PARD3B: variants seen among roughly 807,000 people sequenced by gnomAD.
The protein encoded by PARD3B is par-3 family cell polarity regulator beta.
PARD3B carries 103 observed loss-of-function variants against 130.2 expected under a neutral mutation model. The ratio of observed to expected loss-of-function variants is 0.79; its 90% CI spans 0.67 to 0.93. The LOEUF (loss-of-function observed/expected upper bound fraction) is 0.93, where lower values mean the gene tolerates loss of function less well. PARD3B is among the 40% of genes least tolerant of loss of function. The probability of loss-of-function intolerance (pLI) is 0.00; values close to 1 mark genes in which losing one functional copy is unlikely to be tolerated. For synonymous variants in PARD3B, 583 were observed against 553.2 expected (o/e 1.05, Z -0.76); for missense variants, 1,609 against 1,499.2 (o/e 1.07, Z -1.21).
In PARD3B at chr2:205,230,688, A is replaced by C. The variant is rs1182567453; in HGVS notation, c.2141-15090A>C. ...CAAGTCCACTTACTCCAAGCCCAGC[A>C]CAGCATCAAGACTTGCCCAGTAATT... On this transcript the variant is annotated intron_variant, in intron 15 of 22. Coordinates refer to ENST00000406610, the MANE Select transcript of PARD3B (RefSeq NM_001302769.2). The surrounding 1 kb of genome is among the most constrained non-coding windows in gnomAD (Gnocchi z 4.1). Among the ~76,000 whole-genome samples, 1 of 152,154 alleles carries C rather than the reference A, an allele frequency of 6.6e-6. No homozygotes were observed. Among genetic ancestry groups the C allele is most frequent in the African/African-American group, 2.4e-5 (1 of 41,456 alleles).
intron 18 of PARD3B, among the ~76,000 whole-genome samples, chr2:205,318,237 G>T (rs1226318778): frequency 2.0e-5 from 3 of 152,076 alleles, no homozygotes; most frequent in Non-Finnish European, 4.4e-5. Context: ...GATTTGTTCT[G>T]CTTTCTTTAT....
chr2:205,500,300 A>G (rs190408215), intron 21 of PARD3B, among the ~76,000 whole-genome samples: 46 of 152,278 alleles, frequency 3.0e-4, no homozygotes, highest in Non-Finnish European at 6.5e-4. Context: ...GAAGTTAGCT[A>G]CTTTAAAGAG....
intron 5 of PARD3B, among the ~76,000 whole-genome samples, chr2:205,109,591 G>A (rs1174350066): frequency 1.3e-5 from 2 of 150,302 alleles, no homozygotes; most frequent in African/African-American, 2.5e-5. Flanking sequence ...TAACATATAT[G>A]TGTTATGATC....
chr2:204,867,084 TAAATA>T (rs908192049), intron 2 of PARD3B, among the ~76,000 whole-genome samples: 5 of 151,968 alleles, frequency 3.3e-5, no homozygotes, highest in Admixed American at 1.3e-4. Context: ...AAAAAATAAA[TAAATA>T]AAATAAAATA....
At chr2:205,133,848 T>A (rs2032238617) in intron 10 of PARD3B, among the ~76,000 whole-genome samples, 1 of 152,206 alleles carries the variant, frequency 6.6e-6, no homozygotes, top group Non-Finnish European at 1.5e-5. Context: ...CACACTCAAT[T>A]TGATTGTGCT....
chr2:205,310,719 C>CTTTTTTTTTTTTTTTTT (rs34032930), intron 18 of PARD3B, among the ~76,000 whole-genome samples: 112 of 82,586 alleles, frequency 1.4e-3, no homozygotes, highest in East Asian at 2.0e-3. Flanking sequence ...TTCTTTCTTT[C>CTTTTTTTTTTTTTTTTT]TTTTTTTTTT....
intron 22 of PARD3B, among the ~76,000 whole-genome samples, chr2:205,604,053 T>C (rs376041307): frequency 6.6e-6 from 1 of 152,184 alleles, no homozygotes; most frequent in African/African-American, 2.4e-5. Context: ...TGGTGACAAA[T>C]TCCCTCAGCA....
At chr2:205,016,889 G>A (rs1696189319) in intron 3 of PARD3B, among the ~76,000 whole-genome samples, 1 of 152,112 alleles carries the variant, frequency 6.6e-6, no homozygotes, top group Admixed American at 6.6e-5. Context: ...AAGATGGATG[G>A]ATAAAAAAGT....
At position 205,342,864 on chromosome 2, in the gene PARD3B, A is replaced by C. The variant is rs551154911; in HGVS notation, c.2630+41163A>C. 3.9e-5 allele frequency among the ~76,000 whole-genome samples: 6 copies of C among 152,294 alleles called. No individual in the cohort carries two copies. In the South Asian group the frequency reaches 1.0e-3, roughly 26 times the overall value. ...TATAATGTAAGTCAGTGAGAAAACA[A>C]GATTAATTTAACGGAAAATTGCTTT... On this transcript the variant is annotated intron_variant, in intron 18 of 22. Coordinates refer to ENST00000406610, the MANE Select transcript of PARD3B (RefSeq NM_001302769.2).
At chr2:204,574,327 A>G (rs1004343686) in intron 1 of PARD3B, among the ~76,000 whole-genome samples, 1 of 152,224 alleles carries the variant, frequency 6.6e-6, no homozygotes, top group African/African-American at 2.4e-5. Flanking sequence ...CCCAACTAGC[A>G]GTGATCTCAT....
intron 2 of PARD3B, among the ~76,000 whole-genome samples, chr2:204,733,479 CT>C (rs34103852): frequency 0.071 from 8,984 of 127,068 alleles, 320 homozygotes; most frequent in East Asian, 0.14. Flanking sequence ...CCTTGACAGG[CT>C]TTTTTTTTTT....
chr2:205,593,730 G>A (rs866278499), intron 22 of PARD3B, among the ~76,000 whole-genome samples: 16 of 152,178 alleles, frequency 1.1e-4, no homozygotes, highest in African/African-American at 2.4e-4. Flanking sequence ...TTACGGTGGC[G>A]AGAGGTGGGG....
intron 4 of PARD3B, among the ~76,000 whole-genome samples, chr2:205,098,105 T>A (rs139796357): frequency 6.6e-6 from 1 of 152,338 alleles, no homozygotes; most frequent in East Asian, 1.9e-4. Context: ...TCTGGAATTA[T>A]GCCCAGAATT....
intron 1 of PARD3B, among the ~76,000 whole-genome samples, chr2:204,617,681 T>C (rs2034160279): frequency 6.6e-6 from 1 of 152,124 alleles, no homozygotes; most frequent in Non-Finnish European, 1.5e-5. Flanking sequence ...AGTGTAACAC[T>C]CAAGAGGTAA....
intron 3 of PARD3B, among the ~76,000 whole-genome samples, chr2:205,035,829 C>CA (rs1697811873): frequency 1.1e-4 from 2 of 18,628 alleles, no homozygotes; most frequent in African/African-American, 4.4e-4. Context: ...ATCTATATAT[C>CA]TATATATATA....
At chr2:205,490,442 T>C (rs928348343) in intron 20 of PARD3B, among the ~76,000 whole-genome samples, 4 of 152,268 alleles carry the variant, frequency 2.6e-5, no homozygotes, top group East Asian at 1.9e-4. Context: ...AGGACATGAA[T>C]TCATCATTTT....
At chr2:204,845,835 A>C (rs1397188982) in intron 2 of PARD3B, among the ~76,000 whole-genome samples, 1 of 152,124 alleles carries the variant, frequency 6.6e-6, no homozygotes, top group African/African-American at 2.4e-5. Context: ...GTATAGATAT[A>C]AGTGATCTGA....
intron 21 of PARD3B, among the ~76,000 whole-genome samples, chr2:205,539,155 C>T (rs778043688): frequency 2.0e-5 from 3 of 152,116 alleles, no homozygotes; most frequent in Admixed American, 6.5e-5. Flanking sequence ...GAATCAGACA[C>T]GCATTAGGAG....
intron 15 of PARD3B, among the ~76,000 whole-genome samples, chr2:205,207,587 CA>C (rs2037390415): frequency 7.0e-6 from 1 of 142,592 alleles, no homozygotes. Context: ...ATACTACAAA[CA>C]CCTCTACACA....
Sources: allele counts gnomAD v4.1 joint callset (sites outside exome capture counted in the v4.1 genomes callset), GRCh38; gene constraint gnomAD v4.1.1; non-coding constraint Gnocchi (gnomAD v3.1); transcripts MANE v1.5; gene names NCBI Gene and HGNC (gene_info 2026-07-23, HGNC 2026-07-21).